COL24A1: variants seen among roughly 807,000 people sequenced by gnomAD.
COL24A1 encodes the protein collagen type XXIV alpha 1 chain, also known as collagen alpha-1(XXIV) chain.
Under a neutral mutation model 253.9 loss-of-function variants are expected in COL24A1, and 224 were observed. The ratio of observed to expected loss-of-function variants is 0.88; its 90% CI spans 0.79 to 0.99. COL24A1 has a LOEUF of 0.99. Among genes scored for constraint, COL24A1 ranks in the 50% least tolerant of loss-of-function variants. COL24A1 has a pLI of 0.00. For synonymous variants in COL24A1, 685 were observed against 673.7 expected, an observed-to-expected ratio of 1.02 and a Z score of -0.26; for missense variants, 2,131 against 2,068.5, an observed-to-expected ratio of 1.03 and a Z score of -0.59.
At chr1:86,059,578 A>C (rs938547472) in intron 8 of COL24A1, among the ~76,000 whole-genome samples, 2 of 152,336 alleles carry the variant, frequency 1.3e-5, no homozygotes, top group East Asian at 3.9e-4. Context: ...TAAGAGGGGC[A>C]GTAAACCACA....
At chr1:85,900,665 C>G (rs981166966) in intron 28 of COL24A1, among the ~76,000 whole-genome samples, 2 of 151,898 alleles carry the variant, frequency 1.3e-5, no homozygotes, top group African/African-American at 4.8e-5. Flanking sequence ...ATAAAATATA[C>G]TACAAAACTA....
chr1:86,056,517 T>C (rs1260946336), intron 10 of COL24A1, among the ~76,000 whole-genome samples: 1 of 152,214 alleles, frequency 6.6e-6, no homozygotes, highest in Non-Finnish European at 1.5e-5. Context: ...TAAGACATCA[T>C]TATTGCACAT....
At chr1:86,000,061 C>T (rs530100661) in intron 19 of COL24A1, among the ~76,000 whole-genome samples, 120 of 152,316 alleles carry the variant, frequency 7.9e-4, no homozygotes, top group Middle Eastern at 3.4e-3. Flanking sequence ...ATGCATTAAC[C>T]TAGGTCTCTA....
At chr1:85,924,183 C>T (rs1376018292) in intron 24 of COL24A1, among the ~76,000 whole-genome samples, 1 of 152,046 alleles carries the variant, frequency 6.6e-6, no homozygotes, top group Non-Finnish European at 1.5e-5. Context: ...AATTAATAGC[C>T]TACCAACCAA....
At position 86,022,586 on chromosome 1, in the gene COL24A1, T is replaced by A. The variant is rs1259623582; in HGVS notation, c.2154A>T (p.Glu718Asp). 6.2e-7 allele frequency: 1 copy of A among 1,612,872 alleles called. No homozygotes were observed. The highest frequency in any genetic ancestry group is 1.7e-5 in the Admixed American group (1 of 59,888). ...CTCCTAGCTCTCCTGCTGTGCCTTGTTCACCCTGGAAAGCACAATTTCATG... is the reference window on the plus strand; with the variant it reads ...CTCCTAGCTCTCCTGCTGTGCCTTGATCACCCTGGAAAGCACAATTTCATG... Reference protein sequence around the residue: ...GLPGIKGDKGEQGTAGELGEP... With the variant: ...GLPGIKGDKGDQGTAGELGEP... The change falls in exon 17 of 60, where the codon GAA becomes GAT. Residue 718 changes from glutamate to aspartate, a missense_variant. Transcript: ENST00000370571.
intron 19 of COL24A1, among the ~76,000 whole-genome samples, chr1:85,998,611 A>T (rs1184305839): frequency 1.3e-5 from 2 of 152,242 alleles, no homozygotes; most frequent in African/African-American, 4.8e-5. Flanking sequence ...CACATTCTGC[A>T]AATGAGGTAT....
At chr1:86,048,181 T>C (rs1180867110) in intron 11 of COL24A1, among the ~76,000 whole-genome samples, 2 of 151,054 alleles carry the variant, frequency 1.3e-5, no homozygotes, top group Non-Finnish European at 3.0e-5. Context: ...TTTTCATATA[T>C]ATACATGTAT....
chr1:85,870,486 T>C (rs1347251071), intron 35 of COL24A1, among the ~76,000 whole-genome samples: 1 of 152,180 alleles, frequency 6.6e-6, no homozygotes, highest in Non-Finnish European at 1.5e-5. Flanking sequence ...ACAGAAATTA[T>C]AACAAACTGT....
At chr1:85,781,365 T>C (rs1166559001) in intron 51 of COL24A1, 92 bp from the exon 52 acceptor site, 1 of 821,606 alleles carries the variant, frequency 1.2e-6, no homozygotes, top group Non-Finnish European at 1.9e-6. Context: ...AAAAGAGCCA[T>C]GTCTACATAA....
chr1:86,093,435 T>C (rs1329699927), intron 5 of COL24A1, among the ~76,000 whole-genome samples: 3 of 152,050 alleles, frequency 2.0e-5, no homozygotes, highest in African/African-American at 4.8e-5. Context: ...GATCAGATAG[T>C]TGTAGGTGTG....
chr1:85,955,673 TTTTCCCA>T (rs1272541572), intron 24 of COL24A1, among the ~76,000 whole-genome samples: 1 of 152,104 alleles, frequency 6.6e-6, no homozygotes, highest in African/African-American at 2.4e-5. Context: ...ATAAGGGAAG[TTTTCCCA>T]TTTCATTATT....
At position 86,059,117 on chromosome 1, in the gene COL24A1, G is replaced by A. The variant is rs762765392; in HGVS notation, c.1806+4C>T. 2.5e-6 allele frequency: 4 copies of A among 1,604,250 alleles called. No individual in the cohort carries two copies. The South Asian group carries it at 4.4e-5, about 18-fold the overall frequency. On this transcript the variant is annotated splice_donor_region_variant and intron_variant, in intron 9 of 59. Transcript: ENST00000370571. ...AGAGAAAAGTCTAAATATAGTTACT[G>A]CACCTGCCTGCCAGGGTAACCGGGT...
chr1:85,964,804 A>T (rs1295033314), intron 23 of COL24A1, among the ~76,000 whole-genome samples: 7 of 152,166 alleles, frequency 4.6e-5, no homozygotes, highest in Non-Finnish European at 1.0e-4. Context: ...TTCTGGTCCC[A>T]TGCATTTCAG....
chr1:86,086,489 A>C (rs936480824), intron 7 of COL24A1, among the ~76,000 whole-genome samples: 6 of 152,178 alleles, frequency 3.9e-5, no homozygotes, highest in African/African-American at 1.4e-4. Context: ...ACACCTGAAG[A>C]AACTACATGG....
chr1:85,799,211 A>AAAAAAAAG lies in COL24A1; in HGVS notation c.3952-12751_3952-12750insCTTTTTTT, dbSNP rs753701297. The stretch of plus-strand genomic sequence containing the variant: ...GAATTCTTTAATTCCTTGGCCACAT[A>AAAAAAAAG]AAAGAAAGAAAGAAAGAAAGAAAGA... On this transcript the variant is annotated intron_variant, in intron 47 of 59. Transcript: ENST00000370571. Among the ~76,000 whole-genome samples the AAAAAAAAG allele has an allele frequency of 5.0e-4, 69 of 137,636 alleles. 2 individuals carry two copies. The highest frequency in any genetic ancestry group is 3.0e-3 in the East Asian group (14 of 4,602). 90.3% of individuals were successfully genotyped at this position (137,636 alleles called of 152,430 possible).
intron 19 of COL24A1, among the ~76,000 whole-genome samples, chr1:85,995,568 A>G (rs1038693682): frequency 1.3e-5 from 2 of 152,160 alleles, no homozygotes; most frequent in African/African-American, 4.8e-5. Flanking sequence ...AGATCCCCCC[A>G]TGGTACCCTG....
intron 24 of COL24A1, among the ~76,000 whole-genome samples, chr1:85,922,168 C>T (rs576056279): frequency 3.3e-5 from 5 of 151,800 alleles, no homozygotes; most frequent in Non-Finnish European, 4.4e-5. Context: ...TGGGATTATG[C>T]GAAAAGACCA....
chr1:85,737,578 T>TGAGA, intron 57 of COL24A1, 73 bp from the exon 58 acceptor site: 2 of 1,010,720 alleles, frequency 2.0e-6, no homozygotes, highest in Non-Finnish European at 2.9e-6. Context: ...TTTTTTTTTT[T>TGAGA]GAGAGAGAGA....
intron 2 of COL24A1, among the ~76,000 whole-genome samples, chr1:86,133,292 T>C (rs1479965959): frequency 1.3e-5 from 2 of 152,162 alleles, no homozygotes; most frequent in Non-Finnish European, 2.9e-5. Context: ...TCATGTCATC[T>C]GCAAACAGGG....
Sources: gnomAD v4.1 joint callset for allele counts (sites outside exome capture counted in the v4.1 genomes callset) on GRCh38, gnomAD v4.1.1 for gene constraint, MANE v1.5 for transcripts, NCBI Gene and HGNC (gene_info 2026-07-23, HGNC 2026-07-21) for gene names.